The following CNTNAP4 variants were observed in gnomAD, a reference collection of about 807,000 sequenced individuals.
The protein encoded by CNTNAP4 is contactin associated protein family member 4.
A neutral mutation model predicts 148.4 loss-of-function variants in CNTNAP4; 98 were observed. That is an observed-to-expected ratio of 0.66 (90% CI 0.56 to 0.78). CNTNAP4 has a LOEUF of 0.78. Among genes scored for constraint, CNTNAP4 ranks in the 30% least tolerant of loss-of-function variants. The probability of loss-of-function intolerance (pLI) is 0.00; values close to 1 mark genes in which losing one functional copy is unlikely to be tolerated. For missense variants in CNTNAP4, 1,935 were observed against 1,565.6 expected, an observed-to-expected ratio of 1.24 and a Z score of -3.98; for synonymous variants, 730 against 565.1, an observed-to-expected ratio of 1.29 and a Z score of -4.14.
At chr16:76,478,609 A>C (rs2081683514) in intron 11 of CNTNAP4, among the ~76,000 whole-genome samples, 1 of 152,214 alleles carries the variant, frequency 6.6e-6, no homozygotes, top group Non-Finnish European at 1.5e-5. Flanking sequence ...AACAGAAGTT[A>C]TCAGTATATT....
intron 12 of CNTNAP4, among the ~76,000 whole-genome samples, chr16:76,483,310 C>T (rs2081911038): frequency 2.7e-5 from 4 of 149,990 alleles, no homozygotes; most frequent in Middle Eastern, 6.8e-3. Flanking sequence ...CGTTATGTTC[C>T]GTAAAGTAAC....
chr16:76,321,985 A>T (rs1013325905), intron 2 of CNTNAP4, among the ~76,000 whole-genome samples: 2 of 151,958 alleles, frequency 1.3e-5, no homozygotes, highest in African/African-American at 4.8e-5. Context: ...GAGAGGTCCC[A>T]TGACCAGGCT....
At chr16:76,398,543 T>C (rs1219598586) in intron 3 of CNTNAP4, among the ~76,000 whole-genome samples, 1 of 152,088 alleles carries the variant, frequency 6.6e-6, no homozygotes, top group Admixed American at 6.5e-5. Context: ...CTTTTACACA[T>C]GTGTCAGAAC....
At chr16:76,542,467 G>A (rs1178265560) in intron 21 of CNTNAP4, among the ~76,000 whole-genome samples, 1 of 152,130 alleles carries the variant, frequency 6.6e-6, no homozygotes, top group African/African-American at 2.4e-5. Context: ...CAAAAACAAA[G>A]CCTCAACTGT....
intron 1 of CNTNAP4, among the ~76,000 whole-genome samples, chr16:76,290,039 T>A (rs1320793106): frequency 2.0e-5 from 3 of 152,212 alleles, no homozygotes; most frequent in African/African-American, 7.2e-5. Flanking sequence ...ACATATGTTA[T>A]CATTAATAAT....
At position 76,462,118 on chromosome 16, in the gene CNTNAP4, G is replaced by C. The variant is rs756731860; in HGVS notation, c.1483+13G>C. 4 of 1,608,374 alleles carry C rather than the reference G, an allele frequency of 2.5e-6. No homozygotes were observed. The Admixed American group carries it at 6.7e-5, about 27-fold the overall frequency. Reference sequence around the variant, plus strand: ...TATTATTTTGGAGGTAAGAATAGGTGCCAGGCTCTATGAGCAACTGAACCA... The same window carrying C: ...TATTATTTTGGAGGTAAGAATAGGTCCCAGGCTCTATGAGCAACTGAACCA... On this transcript the variant is annotated intron_variant, in intron 9 of 23. Transcript: ENST00000611870.
intron 3 of CNTNAP4, among the ~76,000 whole-genome samples, chr16:76,363,840 G>A (rs140355785): frequency 2.8e-4 from 42 of 152,126 alleles, no homozygotes; most frequent in African/African-American, 8.9e-4. Context: ...AAGTAGTGTC[G>A]GTGGCTCTGT....
chr16:76,453,716 GA>G lies in CNTNAP4; in HGVS notation c.1333+951del, dbSNP rs138649234. On this transcript the variant is annotated intron_variant, in intron 8 of 23. Coordinates refer to ENST00000611870, the MANE Select transcript of CNTNAP4 (RefSeq NM_033401.5). Reference sequence around the variant, plus strand: ...AAATACAGTTGAAAATTAAATACGAGAAAACAAGTATACAAATGGATATACA... The same window carrying G: ...AAATACAGTTGAAAATTAAATACGAGAAACAAGTATACAAATGGATATACA... Among the ~76,000 whole-genome samples the G allele has an allele frequency of 6.3e-3, 951 of 152,132 alleles. 6 individuals are homozygous for G. Among genetic ancestry groups the G allele is most frequent in the African/African-American group, 0.022 (894 of 41,510 alleles).
chr16:76,372,660 C>A (rs576508792), intron 3 of CNTNAP4, among the ~76,000 whole-genome samples: 1 of 151,490 alleles, frequency 6.6e-6, no homozygotes, highest in Non-Finnish European at 1.5e-5. Flanking sequence ...GTAAGACATG[C>A]CTTCTGCCAT....
intron 12 of CNTNAP4, among the ~76,000 whole-genome samples, chr16:76,487,715 A>G (rs911195921): frequency 6.6e-6 from 1 of 152,212 alleles, no homozygotes; most frequent in African/African-American, 2.4e-5. Context: ...CATACCTTGT[A>G]GTGCTTTTTA....
chr16:76,510,204 A>G (rs1349472510), intron 15 of CNTNAP4, among the ~76,000 whole-genome samples: 1 of 151,694 alleles, frequency 6.6e-6, no homozygotes, highest in Non-Finnish European at 1.5e-5. Flanking sequence ...TTTTCTACAG[A>G]CTTGCATATT....
intron 3 of CNTNAP4, among the ~76,000 whole-genome samples, chr16:76,377,724 C>G (rs2015561143): frequency 6.6e-6 from 1 of 152,058 alleles, no homozygotes; most frequent in Non-Finnish European, 1.5e-5. Context: ...GTTTTCTCTC[C>G]CTCATTTTTT....
chr16:76,407,860 C>T (rs141917038), intron 3 of CNTNAP4, among the ~76,000 whole-genome samples: 65 of 152,096 alleles, frequency 4.3e-4, no homozygotes, highest in African/African-American at 1.4e-3. Flanking sequence ...TATCAAATGG[C>T]ATCACATGCT....
chr16:76,490,389 A>G (rs768664261), intron 13 of CNTNAP4, among the ~76,000 whole-genome samples: 3 of 152,170 alleles, frequency 2.0e-5, no homozygotes, highest in Non-Finnish European at 2.9e-5. Context: ...GGAATCAGAA[A>G]ACCATCTTGA....
At chr16:76,426,687 G>T (rs1876273) in intron 3 of CNTNAP4, among the ~76,000 whole-genome samples, 1 of 151,866 alleles carries the variant, frequency 6.6e-6, no homozygotes, top group Non-Finnish European at 1.5e-5. Context: ...GCCCTACCAT[G>T]TAATGGTTGC....
chr16:76,524,809 C>T (rs953605259), intron 17 of CNTNAP4, among the ~76,000 whole-genome samples: 6 of 151,830 alleles, frequency 4.0e-5, no homozygotes, highest in Non-Finnish European at 7.4e-5. Context: ...AGTCAAGTCA[C>T]TGAAAATAAA....
intron 2 of CNTNAP4, among the ~76,000 whole-genome samples, chr16:76,351,748 C>A (rs1448667984): frequency 6.6e-6 from 1 of 152,198 alleles, no homozygotes; most frequent in Non-Finnish European, 1.5e-5. Flanking sequence ...GCTGGTGCAG[C>A]TGTAACTGTG....
chr16:76,332,478 G>T (rs1963620443), intron 2 of CNTNAP4, among the ~76,000 whole-genome samples: 1 of 151,982 alleles, frequency 6.6e-6, no homozygotes, highest in Non-Finnish European at 1.5e-5. Flanking sequence ...TGCCTAGGCT[G>T]GTCTTGAACT....
At chr16:76,417,378 T>C (rs1408039321) in intron 3 of CNTNAP4, among the ~76,000 whole-genome samples, 1 of 151,480 alleles carries the variant, frequency 6.6e-6, no homozygotes, top group African/African-American at 2.4e-5. Context: ...CTTTAAAAAT[T>C]GTCAGTGGCT....
Sources: allele counts gnomAD v4.1 joint callset (sites outside exome capture counted in the v4.1 genomes callset), GRCh38; gene constraint gnomAD v4.1.1; transcripts MANE v1.5; gene names NCBI Gene and HGNC (gene_info 2026-07-23, HGNC 2026-07-21).